SLC12A4: variants seen among roughly 807,000 people sequenced by gnomAD.
SLC12A4 encodes solute carrier family 12 member 4, also known as electroneutral potassium-chloride cotransporter 1.
A neutral mutation model predicts 119.2 loss-of-function variants in SLC12A4; 84 were observed. That is an observed-to-expected ratio of 0.70 (90% confidence interval 0.59 to 0.85). The LOEUF is 0.85. Among genes scored for constraint, SLC12A4 ranks in the 40% least tolerant of loss-of-function variants. The pLI is 0.00. For missense variants in SLC12A4, 1,298 were observed against 1,476.3 expected, an observed-to-expected ratio of 0.88 and a Z score of 1.98; for synonymous variants, 599 against 604.6, an observed-to-expected ratio of 0.99 and a Z score of 0.14.
intron 6 of SLC12A4, 138 bp downstream of exon 6, chr16:67,954,505 C>G (rs1418262961): frequency 9.4e-7 from 1 of 1,064,748 alleles, no homozygotes; most frequent in African/African-American, 1.6e-5. Flanking sequence ...AGGTCTTTGT[C>G]TCTCGAAGAG....
At chr16:67,958,131 C>G in intron 3 of SLC12A4, 87 bp from the exon 4 acceptor site, 1 of 1,457,256 alleles carries the variant, frequency 6.9e-7, no homozygotes, top group Non-Finnish European at 9.3e-7. Context: ...CAGGCCCCCT[C>G]CCCCAGTGGG....
In SLC12A4 at chr16:67,944,967, T is replaced by C. The variant is rs1444678801; in HGVS notation, c.3167-36A>G. 1.2e-6 allele frequency: 2 copies of C among 1,612,598 alleles called. No homozygotes were observed. Among genetic ancestry groups the C allele is most frequent in the Non-Finnish European group, 1.7e-6 (2 of 1,179,660 alleles). The stretch of plus-strand genomic sequence containing the variant: ...TCAAGTCAAGGAGGCAACAACAGAA[T>C]CAACGGGCAACCCGGGCCACCTGGG... On this transcript the variant is annotated intron_variant, in intron 23 of 23. Transcript: ENST00000316341. This position sits in a 1 kb window ranked among gnomAD's most constrained non-coding sequence, Gnocchi z 6.6.
intron 2 of SLC12A4, 87 bp from the exon 3 acceptor site, chr16:67,961,793 C>A: frequency 6.4e-7 from 1 of 1,557,404 alleles, no homozygotes; most frequent in South Asian, 1.2e-5. Context: ...TGGCCCTGTT[C>A]CAAGCCCTGA....
intron 6 of SLC12A4, among the ~76,000 whole-genome samples, chr16:67,952,861 T>G (rs1479579904): frequency 2.7e-5 from 4 of 147,650 alleles, no homozygotes; most frequent in Non-Finnish European, 3.0e-5. Flanking sequence ...GCTGAGGCGG[T>G]GGATCACTTG....
intron 18 of SLC12A4, 23 bp downstream of exon 18, chr16:67,946,415 C>G: frequency 2.5e-6 from 4 of 1,603,142 alleles, no homozygotes; most frequent in Middle Eastern, 1.7e-4. Flanking sequence ...CCCCTGCCCA[C>G]CAGGCCCCAG....
rs145842261 is a variant in SLC12A4 at position 67,950,920 on chromosome 16, C to T, written c.1396+42G>A. 3.7e-5 allele frequency: 59 copies of T among 1,599,772 alleles called. No individual in the cohort carries two copies. In the Middle Eastern group the frequency reaches 1.2e-3, roughly 32 times the overall value. On this transcript the variant is annotated intron_variant, in intron 10 of 23. Transcript: ENST00000316341. This position sits in a 1 kb window ranked among gnomAD's most constrained non-coding sequence, Gnocchi z 4.3. The stretch of plus-strand genomic sequence containing the variant: ...GGCAACGTACACAGGCCAAGCGCTT[C>T]CCGTCCTCTGCCCCACCTGCCCCAG...
intron 5 of SLC12A4, among the ~76,000 whole-genome samples, chr16:67,957,328 C>T (rs1012450287): frequency 6.6e-6 from 1 of 152,050 alleles, no homozygotes; most frequent in Non-Finnish European, 1.5e-5. Context: ...CGCCACCACG[C>T]CCGGCTAATT....
Position 67,947,355 on chromosome 16 carries a change from CCCT to C in SLC12A4, c.2045_2047del (p.Glu682del), listed in dbSNP as rs2058362991. 6.2e-7 allele frequency: 1 copy of C among 1,612,306 alleles called. No homozygotes were observed. The highest frequency in any genetic ancestry group is 8.5e-7 in the Non-Finnish European group (1 of 1,179,680). On this transcript the variant is annotated inframe_deletion, in exon 16 of 24. Transcript: ENST00000316341. ...CCGCCAGTTCTTGGTGTGAGGAGGC[CCCT>C]CCTCCAGCCGCAACAGCGCGTAGCG...
At chr16:67,964,069 CGG>C (rs549535142) in intron 1 of SLC12A4, 343 of 1,541,200 alleles carry the variant, frequency 2.2e-4, no homozygotes, top group Non-Finnish European at 2.8e-4. Context: ...ATGCACTGCG[CGG>C]GGGGCGTCCT....
chr16:67,968,624 C>T lies in SLC12A4; in HGVS notation c.-71G>A, dbSNP rs549535590. The stretch of plus-strand genomic sequence containing the variant: ...GCTGTCCCCGCCGCTGTCCCCGCCG[C>T]CCCGGGCCGACACGCCCCGCCCGCT... On this transcript the variant is annotated 5_prime_UTR_variant, in exon 1 of 24. Transcript: ENST00000316341. 1.5e-6 allele frequency: 2 copies of T among 1,323,142 alleles called. No homozygotes were observed. The highest frequency in any genetic ancestry group is 2.2e-5 in the South Asian group (1 of 45,924). The allele number at this position is 1,323,142 out of a possible 1,614,324, so 82.0% of individuals were successfully genotyped here. A position where few individuals can be genotyped will look rare whatever the true frequency, so the allele number is the denominator to read the frequency against.
chr16:67,943,827 C>T lies in SLC12A4; in HGVS notation c.*1013G>A, dbSNP rs1007232844. 1.4e-5 allele frequency: 13 copies of T among 934,002 alleles called. No homozygotes were observed. The highest frequency in any genetic ancestry group is 1.9e-5 in the Non-Finnish European group (12 of 630,536). The allele number at this position is 934,002 out of a possible 1,614,324, so 57.9% of individuals were successfully genotyped here. On this transcript the variant is annotated 3_prime_UTR_variant, in exon 24 of 24. Transcript: ENST00000316341. This position sits in a 1 kb window ranked among gnomAD's most constrained non-coding sequence, Gnocchi z 4.6. The stretch of plus-strand genomic sequence containing the variant: ...CTTTTGGCCCCTCCCCACACCAGGG[C>T]AGGTACTTATGTCGGGGCTTATGCA...
In SLC12A4 at chr16:67,944,130, A is replaced by G. The variant is rs2058314674; in HGVS notation, c.*710T>C. The G allele has an allele frequency of 4.5e-6, 7 of 1,546,032 alleles. No individual in the cohort carries two copies. The highest frequency in any genetic ancestry group is 2.4e-5 in the East Asian group (1 of 40,842). Reference sequence around the variant, plus strand: ...AGCCCTGGTGCCTACTGCCAGAGAAAGCGGCACTGGGCTGTCCTTATCTGG... The same window carrying G: ...AGCCCTGGTGCCTACTGCCAGAGAAGGCGGCACTGGGCTGTCCTTATCTGG... On this transcript the variant is annotated 3_prime_UTR_variant, in exon 24 of 24. Transcript: ENST00000316341. The surrounding 1 kb of genome is among the most constrained non-coding windows in gnomAD (Gnocchi z 6.6).
chr16:67,964,771 T>C (rs749980190), intron 1 of SLC12A4, among the ~76,000 whole-genome samples: 4 of 152,190 alleles, frequency 2.6e-5, no homozygotes, highest in Admixed American at 6.5e-5. Context: ...TAGGCCACAA[T>C]TCATTTTTCT....
In SLC12A4 at chr16:67,944,395, T is replaced by C; in HGVS notation, c.*445A>G. 7.6e-7 allele frequency: 1 copy of C among 1,316,290 alleles called. No homozygotes were observed. Among genetic ancestry groups the C allele is most frequent in the Non-Finnish European group, 9.7e-7 (1 of 1,032,728 alleles). The allele number at this position is 1,316,290 out of a possible 1,614,324, so 81.5% of individuals were successfully genotyped here. ...CTCAGCTGTCTCCATTCGGCTCAGCTTGGTGGGGGGCCCTGCCCATAGTAG... is the reference window on the plus strand; with the variant it reads ...CTCAGCTGTCTCCATTCGGCTCAGCCTGGTGGGGGGCCCTGCCCATAGTAG... On this transcript the variant is annotated 3_prime_UTR_variant, in exon 24 of 24. Coordinates refer to ENST00000316341, the MANE Select transcript of SLC12A4 (RefSeq NM_005072.5). This position sits in a 1 kb window ranked among gnomAD's most constrained non-coding sequence, Gnocchi z 6.6.
chr16:67,951,900 G>C lies in SLC12A4; in HGVS notation c.1055C>G (p.Ser352Cys). 6.2e-7 allele frequency: 1 copy of C among 1,613,974 alleles called. No individual in the cohort carries two copies. The highest frequency in any genetic ancestry group is 8.5e-7 in the Non-Finnish European group (1 of 1,180,040). The change falls in exon 8 of 24, where the codon TCC becomes TGC. Residue 352 changes from serine (S) to cysteine (C), a missense_variant. Ser to Cys is a moderately radical substitution (Grantham distance 112, BLOSUM62 -1). Coordinates refer to ENST00000316341, the MANE Select transcript of SLC12A4 (RefSeq NM_005072.5). This position sits in a 1 kb window ranked among gnomAD's most constrained non-coding sequence, Gnocchi z 5.2. Reference protein sequence around the residue: ...FCHSPNLTTDSCDPYFMLNNV... With the variant: ...FCHSPNLTTDCCDPYFMLNNV... ...GTTGAGCATGAAGTAGGGGTCACAG[G>C]AGTCGGTCGTAAGGTTGGGGCTGTG...
At chr16:67,956,043 G>A (rs2030242924) in intron 5 of SLC12A4, among the ~76,000 whole-genome samples, 1 of 152,024 alleles carries the variant, frequency 6.6e-6, no homozygotes, top group Non-Finnish European at 1.5e-5. Context: ...TGAGCATGGT[G>A]GTGCATGTCT....
chr16:67,954,075 G>T, intron 6 of SLC12A4: 1 of 343,286 alleles, frequency 2.9e-6, no homozygotes, highest in Non-Finnish European at 5.9e-6. Flanking sequence ...GCGGGCACCT[G>T]TCACCCCATG....
chr16:67,968,661 C>T (rs751992415), upstream of SLC12A4: 3 of 1,284,644 alleles, frequency 2.3e-6, no homozygotes, highest in South Asian at 7.7e-5. Context: ...GCATTCCTCC[C>T]CGCTGCGCTC....
At chr16:67,965,064 A>G (rs904933297) in intron 1 of SLC12A4, among the ~76,000 whole-genome samples, 5 of 152,224 alleles carry the variant, frequency 3.3e-5, no homozygotes, top group African/African-American at 7.2e-5. Context: ...CCACATTCAC[A>G]TAGGTCAATG....
Sources: allele counts gnomAD v4.1 joint callset (sites outside exome capture counted in the v4.1 genomes callset), GRCh38; gene constraint gnomAD v4.1.1; non-coding constraint Gnocchi (gnomAD v3.1); transcripts MANE v1.5; gene names NCBI Gene and HGNC (gene_info 2026-07-23, HGNC 2026-07-21).